MAMDC2: variants seen among roughly 807,000 people sequenced by gnomAD.
MAMDC2 encodes the protein MAM domain-containing protein 2.
MAMDC2 carries 57 observed loss-of-function variants against 89.8 expected under a neutral mutation model. The ratio of observed to expected loss-of-function variants is 0.63; its 90% CI spans 0.51 to 0.79. The LOEUF (loss-of-function observed/expected upper bound fraction) is 0.79. MAMDC2 is among the 30% of genes least tolerant of loss of function. The pLI is 0.00. For missense variants in MAMDC2, 800 were observed against 820.6 expected (o/e 0.97, Z 0.31); for synonymous variants, 313 against 293.4 (o/e 1.07, Z -0.68).
chr9:70,051,932 C>CAGAT (rs1432075492), intron 2 of MAMDC2, among the ~76,000 whole-genome samples: 1 of 140,194 alleles, frequency 7.1e-6, no homozygotes, highest in Non-Finnish European at 1.6e-5. Flanking sequence ...GATAGACAGA[C>CAGAT]AGATAGATAG....
chr9:70,217,388 A>C lies in MAMDC2; in HGVS notation c.1652-949A>C, dbSNP rs2033468572. ...AGGAAGCACAAAAAGGGAGAGTCGGAAGAAATTCAAAAGAAAAGAACCCAC... is the reference window on the plus strand; with the variant it reads ...AGGAAGCACAAAAAGGGAGAGTCGGCAGAAATTCAAAAGAAAAGAACCCAC... On this transcript the variant is annotated intron_variant, in intron 11 of 13. Transcript: ENST00000377182. 4 of 1,331,530 alleles carry C rather than the reference A, an allele frequency of 3.0e-6. No homozygotes were observed. In the African/African-American group the frequency reaches 5.8e-5, roughly 19 times the overall value. The allele number at this position is 1,331,530 out of a possible 1,614,324, so 82.5% of individuals were successfully genotyped here.
At chr9:70,110,677 TG>T (rs1302195474) in intron 4 of MAMDC2, among the ~76,000 whole-genome samples, 1 of 152,084 alleles carries the variant, frequency 6.6e-6, no homozygotes, top group Non-Finnish European at 1.5e-5. Flanking sequence ...CTGAATCATG[TG>T]GGTCAGCCAG....
chr9:70,199,421 G>C (rs1332051603), intron 11 of MAMDC2, among the ~76,000 whole-genome samples: 3 of 147,838 alleles, frequency 2.0e-5, no homozygotes, highest in African/African-American at 7.4e-5. Context: ...TGGTGTATAT[G>C]TGCCACATTT....
chr9:70,082,852 G>T (rs909659959), intron 2 of MAMDC2: 2 of 152,086 alleles, frequency 1.3e-5, no homozygotes, highest in Non-Finnish European at 2.9e-5. Flanking sequence ...CAAGCTTAAG[G>T]AGCAACTTCC....
intron 12 of MAMDC2, among the ~76,000 whole-genome samples, chr9:70,220,158 C>T (rs1295495632): frequency 6.6e-6 from 1 of 152,164 alleles, no homozygotes. Context: ...TCAAGCGATA[C>T]TGATGCGCAA....
rs73647411 is a variant in MAMDC2, at chr9:70,118,751, C to T, written c.643+5619C>T. Among the ~76,000 whole-genome samples the T allele has an allele frequency of 2.9e-3, 448 of 152,306 alleles. 1 individual carries two copies. Among genetic ancestry groups the T allele is most frequent in the African/African-American group, 0.01 (429 of 41,580 alleles). On this transcript the variant is annotated intron_variant, in intron 5 of 13. Transcript: ENST00000377182. ...GGAGAAACAGCACGTAGAAGGGAAG[C>T]TCATTGTCTACTTAGGAATTTCAGA...
At position 70,168,733 on chromosome 9, in the gene MAMDC2, GGGACTGT is replaced by G. The variant is rs749037245; in HGVS notation, c.1439_1445del (p.Asp480GlyfsTer3). On this transcript the variant is annotated frameshift_variant, in exon 10 of 14. Transcript: ENST00000377182. LOFTEE classifies it high-confidence loss of function. ...TTCATGAGCCTATGCAAAAGTTTCT[GGGACTGT>G]GGGCTTGTAGCCCTGGATGACATTA... 1 of 1,613,982 alleles carries G rather than the reference GGGACTGT, an allele frequency of 6.2e-7. No homozygotes were observed. Among genetic ancestry groups the G allele is most frequent in the Non-Finnish European group, 8.5e-7 (1 of 1,179,948 alleles).
chr9:70,188,025 T>C (rs1025097716), intron 11 of MAMDC2, among the ~76,000 whole-genome samples: 2 of 152,212 alleles, frequency 1.3e-5, no homozygotes, highest in Non-Finnish European at 2.9e-5. Flanking sequence ...TTTCAGTTTC[T>C]CCATATCCTT....
intron 8 of MAMDC2, among the ~76,000 whole-genome samples, chr9:70,140,598 CAT>C (rs1461954333): frequency 6.6e-6 from 1 of 152,072 alleles, no homozygotes; most frequent in Non-Finnish European, 1.5e-5. Context: ...CCAGAAGAGA[CAT>C]ATTCCTACAG....
intron 2 of MAMDC2, among the ~76,000 whole-genome samples, chr9:70,097,324 T>A (rs1828055037): frequency 6.6e-6 from 1 of 152,174 alleles, no homozygotes; most frequent in South Asian, 2.1e-4. Flanking sequence ...AGGAAGAGAT[T>A]TTTCTTTTTG....
intron 12 of MAMDC2, among the ~76,000 whole-genome samples, chr9:70,222,255 T>A (rs1228278013): frequency 6.6e-6 from 1 of 152,010 alleles, no homozygotes; most frequent in African/African-American, 2.4e-5. Context: ...AGACCTGGAG[T>A]GAGGGCAGTG....
intron 11 of MAMDC2, among the ~76,000 whole-genome samples, chr9:70,213,430 T>C (rs1161424581): frequency 6.6e-6 from 1 of 152,216 alleles, no homozygotes; most frequent in African/African-American, 2.4e-5. Flanking sequence ...GGATGAATTT[T>C]TTTTAAGCTA....
rs1454290536 is a variant in MAMDC2, at chr9:70,218,605, A to G, written c.1911+9A>G. 1.3e-6 allele frequency: 2 copies of G among 1,597,718 alleles called. No homozygotes were observed. The stretch of plus-strand genomic sequence containing the variant: ...GTGAGAGGCAACACCAGGTAAGCCA[A>G]CAGAGATAAGAACTAAGCAATGGAA... On this transcript the variant is annotated intron_variant, in intron 12 of 13. Coordinates refer to ENST00000377182, the MANE Select transcript of MAMDC2 (RefSeq NM_153267.5).
chr9:70,147,772 G>A (rs1186524067), intron 9 of MAMDC2, among the ~76,000 whole-genome samples: 4 of 150,210 alleles, frequency 2.7e-5, no homozygotes, highest in Non-Finnish European at 4.4e-5. Context: ...TCCCTATGAG[G>A]GCGCCCTTGG....
intron 11 of MAMDC2, among the ~76,000 whole-genome samples, chr9:70,213,758 A>AT: frequency 7.7e-6 from 1 of 129,808 alleles, no homozygotes; most frequent in Non-Finnish European, 1.7e-5. Context: ...ACTCAAAGAA[A>AT]GAATTATGTG....
chr9:70,143,341 A>G (rs1429414593), intron 8 of MAMDC2, among the ~76,000 whole-genome samples: 1 of 152,254 alleles, frequency 6.6e-6, no homozygotes, highest in Non-Finnish European at 1.5e-5. Flanking sequence ...GTACTGGTTT[A>G]TAAAGTTTAC....
intron 7 of MAMDC2, among the ~76,000 whole-genome samples, chr9:70,132,631 G>A (rs886114641): frequency 4.6e-5 from 7 of 151,486 alleles, no homozygotes; most frequent in African/African-American, 1.7e-4. Flanking sequence ...CCTCAAACTC[G>A]TGGCCTCAAG....
At chr9:70,153,058 A>T (rs1209255817) in intron 9 of MAMDC2, 3 of 152,220 alleles carry the variant, frequency 2.0e-5, no homozygotes, top group Non-Finnish European at 4.4e-5. Flanking sequence ...TTAAACTAAA[A>T]ATCAGGTCAG....
At chr9:70,162,936 A>G (rs1021598739) in intron 9 of MAMDC2, among the ~76,000 whole-genome samples, 2 of 151,312 alleles carry the variant, frequency 1.3e-5, no homozygotes, top group Admixed American at 6.6e-5. Flanking sequence ...TTTAGAAGAG[A>G]CTTAAAATTA....
Sources: allele counts gnomAD v4.1 joint callset (sites outside exome capture counted in the v4.1 genomes callset), GRCh38; gene constraint gnomAD v4.1.1; transcripts MANE v1.5; gene names NCBI Gene and HGNC (gene_info 2026-07-23, HGNC 2026-07-21).